DNAH10: variants seen among roughly 807,000 people sequenced by gnomAD.
DNAH10 encodes dynein axonemal heavy chain 10.
A neutral mutation model predicts 506.6 loss-of-function variants in DNAH10; 348 were observed. The observed-to-expected ratio is 0.69, with a 90% CI of 0.63 to 0.75. The LOEUF is 0.75. Ranked by LOEUF, DNAH10 falls within the 30% of genes least tolerant of loss-of-function variation. DNAH10 has a pLI of 0.00. For synonymous variants in DNAH10, 2,059 were observed against 2,198.6 expected (o/e 0.94, Z 1.78); for missense variants, 5,179 against 5,787.1 (o/e 0.89, Z 3.41).
chr12:123,785,049 C>T lies in DNAH10; in HGVS notation c.1231-697C>T, dbSNP rs562834548. On this transcript the variant is annotated intron_variant, in intron 8 of 78. Transcript: ENST00000673944. The surrounding 1 kb of genome is among the most constrained non-coding windows in gnomAD (Gnocchi z 4.1). The stretch of plus-strand genomic sequence containing the variant: ...TATGAAGAATGCTGCTACGAACATT[C>T]TTGTACAAGGATTTGTGTGGATGTG... Among the ~76,000 whole-genome samples, 1 of 152,184 alleles carries T rather than the reference C, an allele frequency of 6.6e-6. No individual in the cohort carries two copies. The highest frequency in any genetic ancestry group is 1.5e-5 in the Non-Finnish European group (1 of 68,030).
intron 32 of DNAH10, among the ~76,000 whole-genome samples, chr12:123,847,192 A>G (rs1386479972): frequency 6.7e-6 from 1 of 149,732 alleles, no homozygotes; most frequent in Non-Finnish European, 1.5e-5. Flanking sequence ...CCATCCATCC[A>G]TGTATCTATC....
chr12:123,793,195 C>A (rs981819154), intron 11 of DNAH10, among the ~76,000 whole-genome samples: 1 of 152,138 alleles, frequency 6.6e-6, no homozygotes, highest in East Asian at 1.9e-4. Flanking sequence ...CCTGTTTGCC[C>A]CTCACCTTCA....
In DNAH10 at chr12:123,879,730, G is replaced by A. The variant is rs1031661317; in HGVS notation, c.8563G>A (p.Ala2855Thr). 21 of 1,614,018 alleles carry A rather than the reference G, an allele frequency of 1.3e-5. No homozygotes were observed. Among genetic ancestry groups the A allele is most frequent in the Non-Finnish European group, 1.8e-5 (21 of 1,179,894 alleles). Residue 2855 changes from alanine (A) to threonine (T), a missense_variant, in exon 50 of 79, where the codon GCT becomes ACT. Transcript: ENST00000673944. Reference protein sequence around the residue: ...DPILFGDFQMALHEGEPRIYE... With the variant: ...DPILFGDFQMTLHEGEPRIYE... ...CATATTGTTTGGAGACTTCCAGATG[G>A]CTCTGCACGAAGGAGAACCACGCAT...
At chr12:123,851,932 C>T (rs1951192343) in intron 35 of DNAH10, among the ~76,000 whole-genome samples, 1 of 152,182 alleles carries the variant, frequency 6.6e-6, no homozygotes, top group African/African-American at 2.4e-5. Flanking sequence ...TGCCATCACA[C>T]CTGGCTAATC....
chr12:123,876,594 C>T (rs1038210422), intron 47 of DNAH10, among the ~76,000 whole-genome samples: 41 of 152,242 alleles, frequency 2.7e-4, no homozygotes, highest in Admixed American at 1.0e-3. Context: ...GATCATGCCA[C>T]TGCACTCCAG....
chr12:123,868,791 A>AT (rs897278105), intron 43 of DNAH10, among the ~76,000 whole-genome samples: 1 of 152,242 alleles, frequency 6.6e-6, no homozygotes, highest in African/African-American at 2.4e-5. Context: ...TTAAAATGAA[A>AT]TGGCCTCCGG....
rs1250858875 is a variant in DNAH10, at chr12:123,847,305, A to G, written c.5815-656A>G. Among the ~76,000 whole-genome samples the G allele has an allele frequency of 3.6e-5, 5 of 137,862 alleles. No homozygotes were observed. The South Asian group carries it at 6.9e-4, about 19-fold the overall frequency. 90.4% of individuals were successfully genotyped at this position (137,862 alleles called of 152,430 possible). A position where few individuals can be genotyped will look rare whatever the true frequency, so the allele number is the denominator to read the frequency against. On this transcript the variant is annotated intron_variant, in intron 32 of 78. Coordinates refer to ENST00000673944, the MANE Select transcript of DNAH10 (RefSeq NM_001372106.1). ...TGTCTATTTATCATCTCGATCATCTATTTTATCTATCTATCTATCTATCTA... is the reference window on the plus strand; with the variant it reads ...TGTCTATTTATCATCTCGATCATCTGTTTTATCTATCTATCTATCTATCTA...
chr12:123,826,665 G>C, intron 24 of DNAH10, 22 bp from the exon 25 acceptor site: 1 of 1,608,674 alleles, frequency 6.2e-7, no homozygotes, highest in Non-Finnish European at 8.5e-7. Flanking sequence ...TGTTGATGGA[G>C]CTGTTCCTTG....
In DNAH10 at chr12:123,833,312, G is replaced by GA. The variant is rs1223039312; in HGVS notation, c.4750dup (p.Thr1584AsnfsTer10). The GA allele has an allele frequency of 3.1e-6, 5 of 1,612,774 alleles. No individual in the cohort carries two copies. The highest frequency in any genetic ancestry group is 3.4e-6 in the Non-Finnish European group (4 of 1,179,474). On this transcript the variant is annotated frameshift_variant, in exon 27 of 79. Coordinates refer to ENST00000673944, the MANE Select transcript of DNAH10 (RefSeq NM_001372106.1). LOFTEE classifies it high-confidence loss of function. ...TTTTCTGCAAACTGTTCACAAATGG[G>GA]AAAAAACGCTTTCTCTAATAGGGGA... is the stretch of plus-strand genomic sequence containing the variant.
At chr12:123,829,295 G>A (rs1193606800) in intron 25 of DNAH10, among the ~76,000 whole-genome samples, 5 of 152,134 alleles carry the variant, frequency 3.3e-5, no homozygotes, top group African/African-American at 7.2e-5. Flanking sequence ...TGGGGGCATC[G>A]GCATGGCCTG....
At chr12:123,929,200 G>T (rs781163911) in intron 70 of DNAH10, 75 bp from the exon 71 acceptor site, 14 of 1,438,424 alleles carry the variant, frequency 9.7e-6, no homozygotes, top group Middle Eastern at 1.8e-4. Flanking sequence ...AAAGCGCAGT[G>T]CCTGCATTGT....
intron 69 of DNAH10, chr12:123,927,893 G>A: frequency 6.2e-6 from 1 of 160,666 alleles, no homozygotes; most frequent in Non-Finnish European, 1.3e-5. Context: ...CAGCACTCAT[G>A]TGTTTTAAGC....
intron 78 of DNAH10, chr12:123,935,117 T>C: frequency 1.6e-6 from 1 of 610,262 alleles, no homozygotes; most frequent in Non-Finnish European, 2.9e-6. Flanking sequence ...TCTTCTGCTC[T>C]GCCTGGGCCA....
At position 123,848,816 on chromosome 12, in the gene DNAH10, C is replaced by G. The variant is rs375585916; in HGVS notation, c.6036C>G (p.Leu2012=). ...DEFNRIDASV[L]SVISSQIQTI... is the part of the protein sequence containing the mutation. ...TTAATCGAATCGATGCTTCTGTGCTCTCCGTGATCTCCTCCCAGATCCAGA... is the reference window on the plus strand; with the variant it reads ...TTAATCGAATCGATGCTTCTGTGCTGTCCGTGATCTCCTCCCAGATCCAGA... Residue 2012 remains leucine (L), a synonymous_variant, in exon 34 of 79, where the codon CTC becomes CTG. Transcript: ENST00000673944. 2 of 1,613,788 alleles carry G rather than the reference C, an allele frequency of 1.2e-6. No individual in the cohort carries two copies. Among genetic ancestry groups the G allele is most frequent in the African/African-American group, 2.7e-5 (2 of 74,914 alleles).
chr12:123,930,286 G>A lies in DNAH10; in HGVS notation c.12613-116G>A. 3.0e-6 allele frequency: 3 copies of A among 983,874 alleles called. No individual in the cohort carries two copies. The African/African-American group carries it at 5.1e-5, about 17-fold the overall frequency. The allele number at this position is 983,874 out of a possible 1,614,324, so 60.9% of individuals were successfully genotyped here. On this transcript the variant is annotated intron_variant, in intron 72 of 78. Transcript: ENST00000673944. ...ATGCAAGTCAACAGGTTCAAGCCTT[G>A]CAGCAGCCAGGCTGCTGGAGTCTCT...
At chr12:123,802,930 C>T (rs1241534226) in intron 16 of DNAH10, among the ~76,000 whole-genome samples, 1 of 151,928 alleles carries the variant, frequency 6.6e-6, no homozygotes, top group Admixed American at 6.6e-5. Flanking sequence ...TGTTTGTTTT[C>T]TTTACTGTTG....
At chr12:123,789,835 CA>C (rs1958011563) in intron 10 of DNAH10, 91 bp from the exon 11 acceptor site, 6 of 1,196,404 alleles carry the variant, frequency 5.0e-6, no homozygotes, top group Non-Finnish European at 7.2e-6. Flanking sequence ...TTCTTGCCCC[CA>C]GGTCAGTCTC....
intron 2 of DNAH10, among the ~76,000 whole-genome samples, chr12:123,768,589 C>T (rs564614960): frequency 6.6e-6 from 1 of 151,386 alleles, no homozygotes; most frequent in African/African-American, 2.5e-5. Flanking sequence ...ACTCTTCAAC[C>T]GAGTGTAGTA....
chr12:123,935,531 G>C lies in DNAH10; in HGVS notation c.*50G>C. 1 of 1,547,408 alleles carries C rather than the reference G, an allele frequency of 6.5e-7. No homozygotes were observed. On this transcript the variant is annotated 3_prime_UTR_variant, in exon 79 of 79. Transcript: ENST00000673944. ...ATGAATTCGGAGCCTGGGGTTGTCAGAGTGATCGGGTCTGCTGTCATTTCT... is the reference window on the plus strand; with the variant it reads ...ATGAATTCGGAGCCTGGGGTTGTCACAGTGATCGGGTCTGCTGTCATTTCT...
Sources: allele counts gnomAD v4.1 joint callset (sites outside exome capture counted in the v4.1 genomes callset), GRCh38; gene constraint gnomAD v4.1.1; non-coding constraint Gnocchi (gnomAD v3.1); transcripts MANE v1.5; gene names NCBI Gene and HGNC (gene_info 2026-07-23, HGNC 2026-07-21).